The following SPECC1 variants were observed in gnomAD, a reference collection of about 807,000 sequenced individuals.
The protein encoded by SPECC1 is sperm antigen with calponin homology and coiled-coil domains 1, also known as cytospin-B.
Under a neutral mutation model 104.1 loss-of-function variants are expected in SPECC1, and 62 were observed. The ratio of observed to expected loss-of-function variants is 0.60; its 90% CI spans 0.49 to 0.74. SPECC1 has a LOEUF of 0.74. Ranked by LOEUF, SPECC1 falls within the 30% of genes least tolerant of loss-of-function variation. SPECC1 has a pLI of 0.00. For synonymous variants in SPECC1, 513 were observed against 501.6 expected (o/e 1.02, Z -0.30); for missense variants, 1,306 against 1,310.5 (o/e 1.00, Z 0.05).
chr17:20,079,915 C>T (rs1452083171), intron 1 of SPECC1, among the ~76,000 whole-genome samples: 1 of 152,158 alleles, frequency 6.6e-6, no homozygotes, highest in African/African-American at 2.4e-5. Context: ...GAGCCTGCAT[C>T]GCTGCAGTCT....
At chr17:20,251,193 C>T (rs2039613506) in intron 9 of SPECC1, among the ~76,000 whole-genome samples, 4 of 108,674 alleles carry the variant, frequency 3.7e-5, no homozygotes, top group South Asian at 3.3e-4. Flanking sequence ...ATTGCCATTC[C>T]ACTCCTGGGC....
intron 3 of SPECC1, among the ~76,000 whole-genome samples, chr17:20,179,434 C>T (rs2034707469): frequency 6.6e-6 from 1 of 152,220 alleles, no homozygotes; most frequent in Admixed American, 6.5e-5. Flanking sequence ...TAAATAATGG[C>T]AGGGTCAAGG....
Position 20,287,765 on chromosome 17 carries a change from AT to A in SPECC1, c.2941-9193del, listed in dbSNP as rs2041008560. ...ACACATAGCTTTTTTTTTTTGTTTT[AT>A]TTCTGAGAAATTTAATTATTTTAGT... is the stretch of plus-strand genomic sequence containing the variant. On this transcript the variant is annotated intron_variant, in intron 12 of 14. Coordinates refer to ENST00000395527, the MANE Select transcript of SPECC1 (RefSeq NM_001243439.2). Among the ~76,000 whole-genome samples the A allele has an allele frequency of 2.7e-5, 4 of 146,868 alleles. No homozygotes were observed. The South Asian group carries it at 8.6e-4, about 32-fold the overall frequency.
chr17:20,038,325 C>G (rs1440956865), intron 1 of SPECC1, among the ~76,000 whole-genome samples: 1 of 148,878 alleles, frequency 6.7e-6, no homozygotes, highest in East Asian at 1.9e-4. Flanking sequence ...AACTTTTTCT[C>G]TTTTCTAATG....
intron 4 of SPECC1, among the ~76,000 whole-genome samples, chr17:20,221,505 T>C (rs1248638101): frequency 1.3e-5 from 2 of 152,178 alleles, no homozygotes; most frequent in African/African-American, 4.8e-5. Context: ...TTGGTTGCAA[T>C]ATCTCCTTTT....
intron 1 of SPECC1, among the ~76,000 whole-genome samples, chr17:20,072,872 A>G (rs113554975): frequency 2.0e-5 from 3 of 152,096 alleles, no homozygotes; most frequent in Non-Finnish European, 4.4e-5. Flanking sequence ...GATATAACAC[A>G]TGTTGCTTGT....
Position 20,205,271 on chromosome 17 carries a change from T to G in SPECC1, c.1222T>G (p.Leu408Val). The G allele has an allele frequency of 6.2e-7, 1 of 1,614,170 alleles. No individual in the cohort carries two copies. The highest frequency in any genetic ancestry group is 8.5e-7 in the Non-Finnish European group (1 of 1,180,044). Residue 408 changes from leucine to valine, a missense_variant, in exon 4 of 15, where the codon TTG becomes GTG. By Grantham distance (32) the Leu-to-Val change is conservative (BLOSUM62 1). Coordinates refer to ENST00000395527, the MANE Select transcript of SPECC1 (RefSeq NM_001243439.2). ...LSDQQQMVQE[L>V]TAENEKLVDE... ...AGACCAGCAACAAATGGTACAGGAA[T>G]TGACAGCTGAAAATGAGAAGCTGGT...
At chr17:20,175,912 A>C (rs989032168) in intron 3 of SPECC1, among the ~76,000 whole-genome samples, 4 of 152,216 alleles carry the variant, frequency 2.6e-5, no homozygotes, top group African/African-American at 9.7e-5. Context: ...GAATTCAACT[A>C]CTCATAAAAG....
intron 3 of SPECC1, among the ~76,000 whole-genome samples, chr17:20,119,430 C>T (rs1235062720): frequency 6.6e-6 from 1 of 152,160 alleles, no homozygotes; most frequent in South Asian, 2.1e-4. Context: ...TCGGGTTTCT[C>T]CATGTTGGTC....
chr17:20,111,337 G>C (rs1409706504), intron 3 of SPECC1, among the ~76,000 whole-genome samples: 2 of 152,112 alleles, frequency 1.3e-5, no homozygotes, highest in African/African-American at 4.8e-5. Context: ...TCACATTCAG[G>C]CTAGATCTCA....
intron 4 of SPECC1, among the ~76,000 whole-genome samples, chr17:20,216,519 TG>T (rs1328993646): frequency 6.6e-6 from 1 of 151,422 alleles, no homozygotes; most frequent in Non-Finnish European, 1.5e-5. Context: ...AAGCATGGTG[TG>T]GGGGTGGGGT....
chr17:20,193,307 ATCCTGTGACTTAGAAT>A (rs1386527805), intron 3 of SPECC1, among the ~76,000 whole-genome samples: 14 of 152,110 alleles, frequency 9.2e-5, no homozygotes, highest in Non-Finnish European at 1.6e-4. Context: ...CTGTTATCTC[ATCCTGTGACTTAGAAT>A]GCCTTAACTG....
At chr17:20,082,967 TTCGTTCGTTC>T (rs1253313800) in intron 1 of SPECC1, among the ~76,000 whole-genome samples, 8 of 72,104 alleles carry the variant, frequency 1.1e-4, no homozygotes, top group Admixed American at 1.7e-4. Context: ...TGTTCGTTCG[TTCGTTCGTTC>T]GTTCGTTCGT....
intron 1 of SPECC1, among the ~76,000 whole-genome samples, chr17:20,041,345 C>A (rs968933048): frequency 2.1e-4 from 32 of 151,984 alleles, no homozygotes; most frequent in Non-Finnish European, 3.5e-4. Flanking sequence ...TGAGTTCAAG[C>A]GATTCTCCTG....
intron 3 of SPECC1, among the ~76,000 whole-genome samples, chr17:20,181,870 C>A (rs1386151291): frequency 4.0e-5 from 6 of 151,720 alleles, no homozygotes; most frequent in Non-Finnish European, 8.8e-5. Context: ...TAAAACAAGA[C>A]CTGAGATAAT....
chr17:20,264,457 A>ATTTTTT (rs10565315), intron 12 of SPECC1, among the ~76,000 whole-genome samples: 5 of 55,770 alleles, frequency 9.0e-5, no homozygotes, highest in Non-Finnish European at 9.6e-5. Flanking sequence ...TTGGAGACGG[A>ATTTTTT]TTTTTTTTTT....
chr17:20,106,940 C>T (rs978406284), intron 2 of SPECC1, among the ~76,000 whole-genome samples: 16 of 151,520 alleles, frequency 1.1e-4, no homozygotes, highest in Non-Finnish European at 1.3e-4. Context: ...GTGGATCACC[C>T]GAGATCAGGA....
At chr17:20,010,246 T>A (rs1418054548) in intron 1 of SPECC1, 1 of 151,660 alleles carries the variant, frequency 6.6e-6, no homozygotes. Context: ...CGGCATACAG[T>A]TCGGAAAAAA....
intron 1 of SPECC1, among the ~76,000 whole-genome samples, chr17:20,021,615 G>A (rs961907060): frequency 3.3e-5 from 5 of 150,158 alleles, no homozygotes; most frequent in Middle Eastern, 3.5e-3. Context: ...AAGGGTGGCT[G>A]CACCACTACC....
Sources: gnomAD v4.1 joint callset for allele counts (sites outside exome capture counted in the v4.1 genomes callset) on GRCh38, gnomAD v4.1.1 for gene constraint, MANE v1.5 for transcripts, NCBI Gene and HGNC (gene_info 2026-07-23, HGNC 2026-07-21) for gene names.